Variants in FAP observed in about 807,000 individuals in gnomAD.
FAP encodes the protein prolyl endopeptidase FAP.
A neutral mutation model predicts 126.5 loss-of-function variants in FAP; 110 were observed. The ratio of observed to expected loss-of-function variants is 0.87; its 90% CI spans 0.74 to 1.02. FAP has a LOEUF of 1.02. Ranked by LOEUF, FAP falls within the 50% of genes least tolerant of loss-of-function variation. The probability of loss-of-function intolerance (pLI) is 0.00; values close to 1 mark genes in which losing one functional copy is unlikely to be tolerated. For missense variants in FAP, 919 were observed against 909.2 expected, an observed-to-expected ratio of 1.01 and a Z score of -0.14; for synonymous variants, 334 against 297.3, an observed-to-expected ratio of 1.12 and a Z score of -1.27.
At chr2:162,199,407 G>A (rs1299780499) in intron 15 of FAP, among the ~76,000 whole-genome samples, 3 of 152,136 alleles carry the variant, frequency 2.0e-5, no homozygotes, top group African/African-American at 4.8e-5. Context: ...CAGGAAATTT[G>A]GGCTCATGGA....
rs1687625318 is a variant in FAP at position 162,179,798 on chromosome 2, ATATATATATATATAT to A, written c.1869+3601_1869+3615del. 5.0e-5 allele frequency among the ~76,000 whole-genome samples: 6 copies of A among 120,968 alleles called. No individual in the cohort carries two copies. The South Asian group carries it at 1.0e-3, about 21-fold the overall frequency. 79.4% of individuals were successfully genotyped at this position (120,968 alleles called of 152,430 possible). A position where few individuals can be genotyped will look rare whatever the true frequency, so the allele number is the denominator to read the frequency against. On this transcript the variant is annotated intron_variant, in intron 21 of 25. Transcript: ENST00000188790. ...TCTATCTATCTATCTATCTATATAT[ATATATATATATATAT>A]TTTTTTTTTTTTTGAGATGGAGTCT...
At chr2:162,197,498 G>A (rs1688298711) in intron 16 of FAP, 1 of 455,234 alleles carries the variant, frequency 2.2e-6, no homozygotes, top group South Asian at 1.6e-5. Flanking sequence ...ATATGGTCAT[G>A]AACAACAATC....
chr2:162,225,431 A>G, intron 4 of FAP, 52 bp downstream of exon 4: 2 of 1,567,688 alleles, frequency 1.3e-6, no homozygotes, highest in Non-Finnish European at 1.7e-6. Flanking sequence ...TTTCTTGGTC[A>G]ATGAAGAGTG....
chr2:162,225,471 T>A lies in FAP; in HGVS notation c.285+12A>T. 1 of 1,593,818 alleles carries A rather than the reference T, an allele frequency of 6.3e-7. No homozygotes were observed. Among genetic ancestry groups the A allele is most frequent in the African/African-American group, 1.4e-5 (1 of 74,012 alleles). ...AAGGTTTCTGAGGGGGAAGATGATG[T>A]TGGATACATACCATGGTTCTATTAC... is the stretch of plus-strand genomic sequence containing the variant. On this transcript the variant is annotated intron_variant, in intron 4 of 25. Coordinates refer to ENST00000188790, the MANE Select transcript of FAP (RefSeq NM_004460.5).
intron 15 of FAP, 63 bp downstream of exon 15, chr2:162,200,503 T>A: frequency 1.1e-6 from 1 of 887,774 alleles, no homozygotes; most frequent in Non-Finnish European, 1.8e-6. Flanking sequence ...CTCCTGGGGA[T>A]GATGACTTTT....
chr2:162,174,933 C>T lies in FAP; in HGVS notation c.1903G>A (p.Ala635Thr). 1.2e-6 allele frequency: 2 copies of T among 1,612,736 alleles called. No homozygotes were observed. The highest frequency in any genetic ancestry group is 1.7e-6 in the Non-Finnish European group (2 of 1,179,050). ...YGGYVSSLAL[A>T]SGTGLFKCGI... ...CATTTGAAAAGACCAGTTCCAGATG[C>T]AAGGGCCAGTGATGAAACGTATCCT... Residue 635 changes from alanine (A) to threonine (T), a missense_variant, in exon 22 of 26, where the codon GCA (alanine) becomes ACA (threonine). By Grantham distance (58) the Ala-to-Thr change is moderately conservative. Transcript: ENST00000188790.
At chr2:162,224,102 T>G (rs751588245) in intron 5 of FAP, among the ~76,000 whole-genome samples, 82 of 152,304 alleles carry the variant, frequency 5.4e-4, no homozygotes, top group Admixed American at 1.6e-3. Flanking sequence ...TCATTCAACA[T>G]GTATTTTTGA....
intron 14 of FAP, 54 bp downstream of exon 14, chr2:162,202,818 C>A: frequency 7.8e-7 from 1 of 1,277,654 alleles, no homozygotes; most frequent in South Asian, 1.2e-5. Context: ...TCATTTATGT[C>A]CATCGGTGCC....
intron 4 of FAP, among the ~76,000 whole-genome samples, chr2:162,224,898 G>A (rs1217427316): frequency 6.6e-6 from 1 of 152,144 alleles, no homozygotes; most frequent in East Asian, 1.9e-4. Context: ...CAAAGAGAAA[G>A]AGAGTATTAT....
chr2:162,204,826 A>C (rs370975755), intron 12 of FAP, among the ~76,000 whole-genome samples: 58 of 152,220 alleles, frequency 3.8e-4, no homozygotes, highest in African/African-American at 1.3e-3. Flanking sequence ...TCAATAAATC[A>C]GTCAAATCAA....
At chr2:162,217,777 G>C (rs563304789) in intron 9 of FAP, among the ~76,000 whole-genome samples, 1 of 152,128 alleles carries the variant, frequency 6.6e-6, no homozygotes, top group Non-Finnish European at 1.5e-5. Flanking sequence ...TTCTGCAATA[G>C]ATTTTGCAAA....
chr2:162,173,268 T>C (rs1364887116), intron 23 of FAP, 47 bp from the exon 24 acceptor site: 14 of 1,357,558 alleles, frequency 1.0e-5, no homozygotes, highest in Non-Finnish European at 1.5e-5. Flanking sequence ...CAAGTTCTAA[T>C]AGAAAACTAG....
At chr2:162,219,624 A>C (rs764461499) in intron 7 of FAP, among the ~76,000 whole-genome samples, 11 of 152,156 alleles carry the variant, frequency 7.2e-5, no homozygotes, top group Non-Finnish European at 8.8e-5. Context: ...GCTGAGTATA[A>C]GGATAAAGTT....
At chr2:162,212,665 A>G (rs1295762730) in intron 11 of FAP, among the ~76,000 whole-genome samples, 1 of 152,112 alleles carries the variant, frequency 6.6e-6, no homozygotes, top group Non-Finnish European at 1.5e-5. Flanking sequence ...AAATTTAGTG[A>G]TTTACTTTGT....
chr2:162,182,577 T>A (rs1304023452), intron 21 of FAP, among the ~76,000 whole-genome samples: 1 of 152,114 alleles, frequency 6.6e-6, no homozygotes, highest in Non-Finnish European at 1.5e-5. Context: ...CAATATTGGG[T>A]TTCATTCCCT....
chr2:162,196,165 C>A (rs1230203560), intron 16 of FAP, among the ~76,000 whole-genome samples: 1 of 152,164 alleles, frequency 6.6e-6, no homozygotes, highest in African/African-American at 2.4e-5. Context: ...GGAAACCACA[C>A]AGCTTTACCA....
rs186936613 is a variant in FAP, at chr2:162,216,928, G to A, written c.763-927C>T. 5.3e-5 allele frequency among the ~76,000 whole-genome samples: 8 copies of A among 152,282 alleles called. No homozygotes were observed. The East Asian group carries it at 9.7e-4, about 18-fold the overall frequency. ...TGTGGGTCCCAACTTCCCAATCAGT[G>A]TCAGTCACTCTTCAGTTCTGGGTTC... On this transcript the variant is annotated intron_variant, in intron 9 of 25. Transcript: ENST00000188790.
In FAP at chr2:162,234,509, G is replaced by A. The variant is rs577118327; in HGVS notation, c.92-7888C>T. ...CCTTAGGATTTCTACAAACAAGATTGTGTTATCTGTCAGTAGAAAGAGTTT... is the reference window on the plus strand; with the variant it reads ...CCTTAGGATTTCTACAAACAAGATTATGTTATCTGTCAGTAGAAAGAGTTT... On this transcript the variant is annotated intron_variant, in intron 2 of 25. Transcript: ENST00000188790. Among the ~76,000 whole-genome samples the A allele has an allele frequency of 5.3e-5, 8 of 152,214 alleles. No individual in the cohort carries two copies. In the East Asian group the frequency reaches 1.2e-3, roughly 22 times the overall value.
At chr2:162,211,238 A>T (rs1688921048) in intron 11 of FAP, among the ~76,000 whole-genome samples, 1 of 152,180 alleles carries the variant, frequency 6.6e-6, no homozygotes, top group African/African-American at 2.4e-5. Flanking sequence ...TAGTGTTGGA[A>T]GCTAGTTAGC....
Sources: allele counts gnomAD v4.1 joint callset (sites outside exome capture counted in the v4.1 genomes callset), GRCh38; gene constraint gnomAD v4.1.1; transcripts MANE v1.5; gene names NCBI Gene and HGNC (gene_info 2026-07-23, HGNC 2026-07-21).